The following ITGA9 variants were observed in gnomAD, a reference collection of about 807,000 sequenced individuals.
ITGA9 encodes the protein integrin subunit alpha 9.
ITGA9 carries 56 observed loss-of-function variants against 127.8 expected under a neutral mutation model. That is an observed-to-expected ratio of 0.44 (90% CI 0.35 to 0.55). The LOEUF (loss-of-function observed/expected upper bound fraction) is 0.55, where lower values mean the gene tolerates loss of function less well. ITGA9 is among the 20% of genes least tolerant of loss of function. The pLI is 0.00. For synonymous variants in ITGA9, 508 were observed against 514.5 expected, an observed-to-expected ratio of 0.99 and a Z score of 0.17; for missense variants, 1,196 against 1,347.1, an observed-to-expected ratio of 0.89 and a Z score of 1.76.
At chr3:37,724,447 T>C (rs1034077329) in intron 18 of ITGA9, among the ~76,000 whole-genome samples, 1 of 152,232 alleles carries the variant, frequency 6.6e-6, no homozygotes, top group Non-Finnish European at 1.5e-5. Context: ...CCAATAGTTT[T>C]TCCCCCTCTA....
chr3:37,734,739 A>G (rs1244885707), intron 19 of ITGA9, among the ~76,000 whole-genome samples: 1 of 152,134 alleles, frequency 6.6e-6, no homozygotes, highest in Non-Finnish European at 1.5e-5. Flanking sequence ...TGATCTGCCC[A>G]CCTAGGTCTC....
intron 16 of ITGA9, among the ~76,000 whole-genome samples, chr3:37,639,599 G>A (rs1410039321): frequency 6.6e-6 from 1 of 152,188 alleles, no homozygotes; most frequent in East Asian, 1.9e-4. Context: ...CACTGGCTGA[G>A]GAGTTGGATG....
chr3:37,473,334 C>T lies in ITGA9; in HGVS notation c.314-20C>T. On this transcript the variant is annotated intron_variant, in intron 2 of 27. Coordinates refer to ENST00000264741, the MANE Select transcript of ITGA9 (RefSeq NM_002207.3). ...ACATCACTCCTCAACCCAAGTCTGG[C>T]TCTTCTCCTCTTTCTCCAGGGAAGA... The T allele has an allele frequency of 6.2e-7, 1 of 1,605,078 alleles. No homozygotes were observed. The highest frequency in any genetic ancestry group is 2.2e-5 in the East Asian group (1 of 44,826).
chr3:37,601,127 G>A lies in ITGA9; in HGVS notation c.1690-28060G>A, dbSNP rs560342745. On this transcript the variant is annotated intron_variant, in intron 15 of 27. Coordinates refer to ENST00000264741, the MANE Select transcript of ITGA9 (RefSeq NM_002207.3). Reference sequence around the variant, plus strand: ...CCTTTAAAGACCCACCAGCGACTTTGTGAGATTCTAGACTCCTTTCCCTCG... The same window carrying A: ...CCTTTAAAGACCCACCAGCGACTTTATGAGATTCTAGACTCCTTTCCCTCG... Among the ~76,000 whole-genome samples, 3 of 152,164 alleles carry A rather than the reference G, an allele frequency of 2.0e-5. No individual in the cohort carries two copies. In the East Asian group the frequency reaches 5.8e-4, roughly 29 times the overall value.
intron 18 of ITGA9, among the ~76,000 whole-genome samples, chr3:37,715,560 G>C (rs537675334): frequency 6.6e-6 from 1 of 152,234 alleles, no homozygotes; most frequent in African/African-American, 2.4e-5. Context: ...CAGACAAAGA[G>C]AAAACACATG....
chr3:37,656,568 T>A (rs1341115114), intron 17 of ITGA9, among the ~76,000 whole-genome samples: 1 of 152,246 alleles, frequency 6.6e-6, no homozygotes, highest in Non-Finnish European at 1.5e-5. Flanking sequence ...TGAAGTTGCT[T>A]ATCAGCTTAA....
rs60980366 is a variant in ITGA9, at chr3:37,466,483, C to CAAAAAAAAAAAAAAAAAAAA, written c.186-4513_186-4494dup. 1.9e-4 allele frequency among the ~76,000 whole-genome samples: 5 copies of CAAAAAAAAAAAAAAAAAAAA among 26,064 alleles called. 2 individuals are homozygous for CAAAAAAAAAAAAAAAAAAAA. Among genetic ancestry groups the CAAAAAAAAAAAAAAAAAAAA allele is most frequent in the African/African-American group, 3.8e-4 (2 of 5,210 alleles). 17.1% of individuals were successfully genotyped at this position (26,064 alleles called of 152,430 possible). On this transcript the variant is annotated intron_variant, in intron 1 of 27. Coordinates refer to ENST00000264741, the MANE Select transcript of ITGA9 (RefSeq NM_002207.3). ...TGGGTAACAGAGCAAGACACCATCT[C>CAAAAAAAAAAAAAAAAAAAA]AAAAAAAAAAAAAAAAAAAAAAAAA...
At chr3:37,530,670 C>T (rs984595449) in intron 13 of ITGA9, among the ~76,000 whole-genome samples, 3 of 141,732 alleles carry the variant, frequency 2.1e-5, no homozygotes, top group African/African-American at 7.9e-5. Context: ...AGTGAAGTGA[C>T]AGGATTTGAA....
chr3:37,735,838 G>A (rs920701760), intron 19 of ITGA9, among the ~76,000 whole-genome samples: 7 of 152,208 alleles, frequency 4.6e-5, no homozygotes, highest in African/African-American at 1.7e-4. Context: ...ACGCAGCACT[G>A]AACAACATTG....
At chr3:37,546,258 A>G (rs1559533383) in intron 15 of ITGA9, among the ~76,000 whole-genome samples, 1 of 152,192 alleles carries the variant, frequency 6.6e-6, no homozygotes, top group African/African-American at 2.4e-5. Context: ...CGCCCACTCC[A>G]TTCATGTGTT....
At chr3:37,509,157 C>G (rs143640358) in intron 8 of ITGA9, among the ~76,000 whole-genome samples, 2 of 152,316 alleles carry the variant, frequency 1.3e-5, no homozygotes, top group African/African-American at 4.8e-5. Flanking sequence ...GCAGAAATAG[C>G]TCAGGGTGCT....
At chr3:37,509,591 A>G (rs1386298222) in intron 8 of ITGA9, among the ~76,000 whole-genome samples, 2 of 151,872 alleles carry the variant, frequency 1.3e-5, no homozygotes, top group African/African-American at 2.4e-5. Flanking sequence ...ATTCAAGTAG[A>G]CCTTTTTGCA....
chr3:37,748,957 A>C (rs1239132839), intron 22 of ITGA9: 2 of 637,600 alleles, frequency 3.1e-6, no homozygotes, highest in Admixed American at 2.6e-5. Context: ...AAAAGAAAAA[A>C]GAAAAATCCT....
At chr3:37,694,617 T>G (rs540292701) in intron 18 of ITGA9, among the ~76,000 whole-genome samples, 2 of 152,334 alleles carry the variant, frequency 1.3e-5, no homozygotes, top group African/African-American at 4.8e-5. Flanking sequence ...ACGACAAGGA[T>G]CAATTAAGAA....
chr3:37,785,301 G>C (rs1326749769), intron 26 of ITGA9, among the ~76,000 whole-genome samples: 1 of 152,180 alleles, frequency 6.6e-6, no homozygotes, highest in Admixed American at 6.5e-5. Context: ...ATCATTATGT[G>C]AATGTTTCCT....
At chr3:37,506,180 A>G (rs1008371523) in intron 7 of ITGA9, 95 bp downstream of exon 7, 3 of 914,392 alleles carry the variant, frequency 3.3e-6, no homozygotes, top group African/African-American at 1.6e-5. Context: ...ATTGACCTGA[A>G]CATTCTACTG....
At chr3:37,753,857 A>G (rs1696619547) in intron 23 of ITGA9, 1 of 152,178 alleles carries the variant, frequency 6.6e-6, no homozygotes, top group South Asian at 2.1e-4. Context: ...GGCCTGCTGC[A>G]ATGAGCAGTA....
intron 15 of ITGA9, among the ~76,000 whole-genome samples, chr3:37,569,844 C>T (rs2555233): frequency 0.55 from 83,564 of 152,008 alleles, 23,306 homozygotes; most frequent in Non-Finnish European, 0.57. Context: ...AAGTTTAGCC[C>T]TTAGTCCCAT....
chr3:37,796,152 T>C (rs539995947), intron 26 of ITGA9, among the ~76,000 whole-genome samples: 29 of 152,220 alleles, frequency 1.9e-4, no homozygotes, highest in Middle Eastern at 3.4e-3. Context: ...TTGCACATCA[T>C]GTTCCCTCTC....
Sources: gnomAD v4.1 joint callset for allele counts (sites outside exome capture counted in the v4.1 genomes callset) on GRCh38, gnomAD v4.1.1 for gene constraint, MANE v1.5 for transcripts, NCBI Gene and HGNC (gene_info 2026-07-23, HGNC 2026-07-21) for gene names.